The following PDCD6IP variants were observed in gnomAD, a reference collection of about 807,000 sequenced individuals.
The protein encoded by PDCD6IP is programmed cell death 6-interacting protein.
PDCD6IP carries 43 observed loss-of-function variants against 103.7 expected under a neutral mutation model. The ratio of observed to expected loss-of-function variants is 0.41; its 90% CI spans 0.32 to 0.53. The LOEUF (loss-of-function observed/expected upper bound fraction) is 0.53. Ranked by LOEUF, PDCD6IP falls within the 20% of genes least tolerant of loss-of-function variation. The pLI, the probability that PDCD6IP is intolerant of heterozygous loss-of-function variation, is 0.16. For missense variants in PDCD6IP, 871 were observed against 1,036.7 expected (o/e 0.84, Z 2.20); for synonymous variants, 354 against 378.7 (o/e 0.93, Z 0.76).
intron 3 of PDCD6IP, among the ~76,000 whole-genome samples, chr3:33,817,770 TAAAAG>T (rs1318905062): frequency 2.0e-5 from 3 of 149,404 alleles, no homozygotes; most frequent in East Asian, 3.9e-4. Flanking sequence ...AAAAAAAAGA[TAAAAG>T]AAAAACTTAA....
chr3:33,856,286 G>T (rs1227670170), intron 15 of PDCD6IP, among the ~76,000 whole-genome samples: 1 of 152,168 alleles, frequency 6.6e-6, no homozygotes, highest in Non-Finnish European at 1.5e-5. Flanking sequence ...TTCCAGAACT[G>T]CAGGAATATG....
intron 7 of PDCD6IP, chr3:33,835,332 C>A: frequency 4.4e-6 from 2 of 456,646 alleles, no homozygotes. Context: ...CATCTCAATT[C>A]TCTGTGTTGT....
intron 6 of PDCD6IP, 121 bp downstream of exon 6, chr3:33,826,701 A>AGT: frequency 1.4e-6 from 2 of 1,416,394 alleles, no homozygotes; most frequent in Non-Finnish European, 9.3e-7. Flanking sequence ...AGTTATCTGA[A>AGT]GTATATAGTA....
chr3:33,833,345 T>G (rs1013239800), intron 7 of PDCD6IP, among the ~76,000 whole-genome samples: 13 of 152,040 alleles, frequency 8.6e-5, no homozygotes, highest in African/African-American at 3.1e-4. Context: ...CACTTTGCAT[T>G]TGATTGATAT....
At chr3:33,825,071 A>G in intron 4 of PDCD6IP, 116 bp from the exon 5 acceptor site, 2 of 895,058 alleles carry the variant, frequency 2.2e-6, no homozygotes, top group Non-Finnish European at 3.5e-6. Flanking sequence ...CATAATATAA[A>G]AATTTAAATA....
Position 33,826,499 on chromosome 3 carries a change from C to T in PDCD6IP, c.636C>T (p.Ile212=), listed in dbSNP as rs751864601. The T allele has an allele frequency of 1.9e-6, 3 of 1,608,048 alleles. No homozygotes were observed. Among genetic ancestry groups the T allele is most frequent in the Non-Finnish European group, 2.5e-6 (3 of 1,176,610 alleles). ...KATRDKMKDA[I]IAKLANQAAD... Reference sequence around the variant, plus strand: ...TTCCAGATAAAATGAAAGATGCCATCATAGCTAAATTGGCTAATCAGGCTG... The same window carrying T: ...TTCCAGATAAAATGAAAGATGCCATTATAGCTAAATTGGCTAATCAGGCTG... The change falls in exon 6 of 18, where the codon ATC becomes ATT. Residue 212 remains isoleucine, a synonymous_variant. Coordinates refer to ENST00000307296, the MANE Select transcript of PDCD6IP (RefSeq NM_013374.6).
At chr3:33,807,336 G>C (rs1324477526) in intron 1 of PDCD6IP, among the ~76,000 whole-genome samples, 1 of 152,334 alleles carries the variant, frequency 6.6e-6, no homozygotes, top group African/African-American at 2.4e-5. Context: ...TTAGCATTGT[G>C]AGTGTTGGAG....
At chr3:33,864,734 C>G (rs1247736213) in intron 16 of PDCD6IP, among the ~76,000 whole-genome samples, 3 of 152,066 alleles carry the variant, frequency 2.0e-5, no homozygotes, top group Non-Finnish European at 2.9e-5. Context: ...GTGCTGAAGT[C>G]TTTAGGGCTA....
chr3:33,845,628 GA>G (rs1186062596), intron 12 of PDCD6IP, 40 bp downstream of exon 12: 1 of 1,478,650 alleles, frequency 6.8e-7, no homozygotes, highest in African/African-American at 1.4e-5. Flanking sequence ...ATCTGCTTAA[GA>G]AAACCACATT....
chr3:33,847,980 T>TA (rs60738650), intron 12 of PDCD6IP, among the ~76,000 whole-genome samples: 29 of 146,398 alleles, frequency 2.0e-4, no homozygotes, highest in East Asian at 4.0e-4. Flanking sequence ...GGGGTACCTT[T>TA]AAAAAAAAAA....
intron 4 of PDCD6IP, among the ~76,000 whole-genome samples, chr3:33,824,173 T>C (rs1697058440): frequency 6.6e-6 from 1 of 152,232 alleles, no homozygotes; most frequent in African/African-American, 2.4e-5. Flanking sequence ...TAATACTTAC[T>C]GACTGCAGAA....
At chr3:33,857,792 A>C (rs1697861746) in intron 15 of PDCD6IP, among the ~76,000 whole-genome samples, 1 of 152,190 alleles carries the variant, frequency 6.6e-6, no homozygotes, top group Non-Finnish European at 1.5e-5. Context: ...ACATGAAAAT[A>C]TATATATGTA....
intron 3 of PDCD6IP, among the ~76,000 whole-genome samples, chr3:33,819,933 C>G (rs904445691): frequency 6.6e-6 from 1 of 152,152 alleles, no homozygotes; most frequent in Admixed American, 6.5e-5. Flanking sequence ...CATTATTGTG[C>G]AAACATCATC....
intron 9 of PDCD6IP, among the ~76,000 whole-genome samples, chr3:33,841,631 G>A (rs1697476740): frequency 6.6e-6 from 1 of 150,512 alleles, no homozygotes; most frequent in African/African-American, 2.4e-5. Flanking sequence ...GTAGAGACGG[G>A]GTTTCACCAT....
chr3:33,826,469 T>C lies in PDCD6IP; in HGVS notation c.617-11T>C, dbSNP rs370926737. ...ATTTATTTTAATTATAATGGTCATATTGTATTCCAGATAAAATGAAAGATG... is the reference window on the plus strand; with the variant it reads ...ATTTATTTTAATTATAATGGTCATACTGTATTCCAGATAAAATGAAAGATG... On this transcript the variant is annotated splice_polypyrimidine_tract_variant and intron_variant, in intron 5 of 17. Transcript: ENST00000307296. The C allele has an allele frequency of 3.3e-5, 52 of 1,579,548 alleles. No individual in the cohort carries two copies. Among genetic ancestry groups the C allele is most frequent in the Non-Finnish European group, 4.2e-5 (49 of 1,153,600 alleles).
At chr3:33,854,497 G>A (rs1261490324) in intron 14 of PDCD6IP, 1 of 152,148 alleles carries the variant, frequency 6.6e-6, no homozygotes, top group Admixed American at 6.6e-5. Flanking sequence ...AAAAGTTTAG[G>A]GAATTCGCTT....
At chr3:33,835,736 AAAAG>A (rs1184905966) in intron 7 of PDCD6IP, among the ~76,000 whole-genome samples, 3 of 152,018 alleles carry the variant, frequency 2.0e-5, no homozygotes, top group Non-Finnish European at 4.4e-5. Context: ...AAGAAGGAAA[AAAAG>A]AAAGAACCCA....
chr3:33,831,440 G>A (rs1194873117), intron 7 of PDCD6IP, among the ~76,000 whole-genome samples: 1 of 152,028 alleles, frequency 6.6e-6, no homozygotes, highest in Non-Finnish European at 1.5e-5. Context: ...AGGGATGAGG[G>A]CTTATAACAT....
chr3:33,814,585 A>G (rs889076417), intron 3 of PDCD6IP, among the ~76,000 whole-genome samples: 10 of 75,116 alleles, frequency 1.3e-4, no homozygotes, highest in Admixed American at 1.8e-4. Context: ...TATTTCATGT[A>G]TATTATATGT....
Sources: allele counts gnomAD v4.1 joint callset (sites outside exome capture counted in the v4.1 genomes callset), GRCh38; gene constraint gnomAD v4.1.1; transcripts MANE v1.5; gene names NCBI Gene and HGNC (gene_info 2026-07-23, HGNC 2026-07-21).